Variants in MAGI1 observed in about 807,000 individuals in gnomAD.
MAGI1 encodes membrane-associated guanylate kinase, WW and PDZ domain-containing protein 1.
Under a neutral mutation model 139.9 loss-of-function variants are expected in MAGI1, and 58 were observed. The observed-to-expected ratio is 0.41, with a 90% CI of 0.34 to 0.52. The LOEUF (loss-of-function observed/expected upper bound fraction) is 0.52, where lower values mean the gene tolerates loss of function less well. Among genes scored for constraint, MAGI1 ranks in the 20% least tolerant of loss-of-function variants. The pLI, the probability that MAGI1 is intolerant of heterozygous loss-of-function variation, is 0.12. For synonymous variants in MAGI1, 812 were observed against 737.9 expected (o/e 1.10, Z -1.63); for missense variants, 1,874 against 1,901.6 (o/e 0.99, Z 0.27).
chr3:65,988,201 C>G (rs2065982001), intron 1 of MAGI1, among the ~76,000 whole-genome samples: 1 of 152,214 alleles, frequency 6.6e-6, no homozygotes, highest in African/African-American at 2.4e-5. Flanking sequence ...TTACTCAAAT[C>G]TACACTTGTC....
intron 1 of MAGI1, among the ~76,000 whole-genome samples, chr3:65,856,869 T>G (rs968290195): frequency 6.6e-6 from 1 of 152,198 alleles, no homozygotes; most frequent in African/African-American, 2.4e-5. Flanking sequence ...CTCAAGTTCA[T>G]GAGACGCCTA....
At chr3:65,668,226 A>G (rs2086645297) in intron 1 of MAGI1, among the ~76,000 whole-genome samples, 1 of 152,220 alleles carries the variant, frequency 6.6e-6, no homozygotes, top group Non-Finnish European at 1.5e-5. Flanking sequence ...TGAGGTTTAA[A>G]TGAACGAATA....
intron 1 of MAGI1, among the ~76,000 whole-genome samples, chr3:65,795,727 G>C (rs188920143): frequency 1.6e-5 from 1 of 64,392 alleles, no homozygotes; most frequent in African/African-American, 4.8e-5. Context: ...ACACACACAC[G>C]GAGAGAGAGA....
intron 2 of MAGI1, among the ~76,000 whole-genome samples, chr3:65,495,483 T>C (rs892354492): frequency 3.3e-5 from 5 of 152,198 alleles, no homozygotes; most frequent in Non-Finnish European, 5.9e-5. Flanking sequence ...GCATTATATA[T>C]TGTATTTATT....
chr3:65,699,904 A>T (rs2089482207), intron 1 of MAGI1, among the ~76,000 whole-genome samples: 1 of 151,838 alleles, frequency 6.6e-6, no homozygotes, highest in Non-Finnish European at 1.5e-5. Flanking sequence ...AAAAAATAAA[A>T]AAAAAAAGAA....
chr3:66,001,843 G>A (rs113895764), intron 1 of MAGI1, among the ~76,000 whole-genome samples: 1,665 of 152,320 alleles, frequency 0.011, 29 homozygotes, highest in African/African-American at 0.037. Flanking sequence ...AGGCCAAGCT[G>A]TTAAAGCCTT....
chr3:65,780,806 A>G (rs1437449849), intron 1 of MAGI1, among the ~76,000 whole-genome samples: 3 of 152,228 alleles, frequency 2.0e-5, no homozygotes, highest in Non-Finnish European at 4.4e-5. Flanking sequence ...AAGGAAAAGA[A>G]TCTAGCCCAC....
intron 18 of MAGI1, among the ~76,000 whole-genome samples, chr3:65,374,432 C>A (rs143251013): frequency 1.2e-4 from 18 of 151,612 alleles, no homozygotes; most frequent in African/African-American, 4.4e-4. Flanking sequence ...ATTCTTCTGC[C>A]TCAGCCTCCC....
intron 1 of MAGI1, among the ~76,000 whole-genome samples, chr3:65,998,690 T>G (rs1049719792): frequency 7.8e-4 from 118 of 152,238 alleles, no homozygotes; most frequent in African/African-American, 2.6e-3. Flanking sequence ...ATGGTTTTTT[T>G]GGGGGGTTTT....
At chr3:65,621,314 G>C (rs534228906) in intron 2 of MAGI1, among the ~76,000 whole-genome samples, 1 of 152,220 alleles carries the variant, frequency 6.6e-6, no homozygotes, top group East Asian at 1.9e-4. Context: ...ACCATAGACA[G>C]ACAGGCTGCC....
intron 1 of MAGI1, among the ~76,000 whole-genome samples, chr3:65,952,386 T>C (rs1576232262): frequency 6.6e-6 from 1 of 152,298 alleles, no homozygotes; most frequent in East Asian, 1.9e-4. Context: ...TCCGATACTT[T>C]TGCTCTGCAA....
rs1045600290 is a variant in MAGI1, at chr3:65,900,754, C to T, written c.313+137242G>A. On this transcript the variant is annotated intron_variant, in intron 1 of 22. Transcript: ENST00000402939. The stretch of plus-strand genomic sequence containing the variant: ...AAGACATACTTTCAGCCATCATTTT[C>T]GCATAGAACGCCATTACGCTGGCCA... 2.6e-5 allele frequency among the ~76,000 whole-genome samples: 4 copies of T among 152,200 alleles called. No homozygotes were observed. In the East Asian group the frequency reaches 5.8e-4, roughly 22 times the overall value.
chr3:65,635,116 G>A (rs1357821647), intron 1 of MAGI1, among the ~76,000 whole-genome samples: 2 of 152,066 alleles, frequency 1.3e-5, no homozygotes, highest in African/African-American at 4.8e-5. Context: ...ACAGGCTGGA[G>A]TACAATGGTG....
chr3:65,724,516 G>C (rs149451325), intron 1 of MAGI1, among the ~76,000 whole-genome samples: 2,457 of 152,240 alleles, frequency 0.016, 67 homozygotes, highest in African/African-American at 0.055. Context: ...TCTGAAAAGA[G>C]GGCTTTTCCC....
chr3:65,484,107 GT>G lies in MAGI1; in HGVS notation c.551-5310del, dbSNP rs1951466271. Among the ~76,000 whole-genome samples, 4 of 152,322 alleles carry G rather than the reference GT, an allele frequency of 2.6e-5. No individual in the cohort carries two copies. The South Asian group carries it at 8.3e-4, about 32-fold the overall frequency. On this transcript the variant is annotated intron_variant, in intron 3 of 22. Transcript: ENST00000402939. ...CAACCATTCTATATGGCATACATCA[GT>G]TTTGTCAAGCTTCAATGTGCAAACA... is the stretch of plus-strand genomic sequence containing the variant.
intron 3 of MAGI1, among the ~76,000 whole-genome samples, chr3:65,484,353 C>A (rs1951485416): frequency 6.6e-6 from 1 of 152,088 alleles, no homozygotes; most frequent in South Asian, 2.1e-4. Context: ...TCCTATGAGA[C>A]AAGCTTTTGC....
intron 2 of MAGI1, among the ~76,000 whole-genome samples, chr3:65,596,573 T>C (rs1451578327): frequency 6.6e-6 from 1 of 152,188 alleles, no homozygotes; most frequent in Non-Finnish European, 1.5e-5. Flanking sequence ...CAGGCACAAA[T>C]CCACTCCCTT....
chr3:66,037,568 CCT>C (rs554642145), intron 1 of MAGI1, among the ~76,000 whole-genome samples: 121 of 152,188 alleles, frequency 8.0e-4, no homozygotes, highest in African/African-American at 2.9e-3. Context: ...AACTACAGAC[CCT>C]CTCTTTCTGT....
At chr3:65,967,989 C>T (rs1006969008) in intron 1 of MAGI1, among the ~76,000 whole-genome samples, 3 of 152,172 alleles carry the variant, frequency 2.0e-5, no homozygotes, top group Non-Finnish European at 4.4e-5. Flanking sequence ...ATGTCTTTCA[C>T]AAATGCTCCT....
Sources: allele counts gnomAD v4.1 joint callset (sites outside exome capture counted in the v4.1 genomes callset), GRCh38; gene constraint gnomAD v4.1.1; transcripts MANE v1.5; gene names NCBI Gene and HGNC (gene_info 2026-07-23, HGNC 2026-07-21).